Variants in PRMT8 observed in about 807,000 individuals in gnomAD.
PRMT8 encodes the protein protein arginine N-methyltransferase 8.
Under a neutral mutation model 47.1 loss-of-function variants are expected in PRMT8, and 7 were observed. That is an observed-to-expected ratio of 0.15 (90% CI 0.08 to 0.28). The LOEUF (loss-of-function observed/expected upper bound fraction) is 0.28. Ranked by LOEUF, PRMT8 falls within the 10% of genes least tolerant of loss-of-function variation. The pLI is 1.00. For synonymous variants in PRMT8, 188 were observed against 186.5 expected (o/e 1.01, Z -0.07); for missense variants, 237 against 505.4 (o/e 0.47, Z 5.09).
chr12:3,465,166 TA>T (rs1565414412), intron 1 of PRMT8, among the ~76,000 whole-genome samples: 3 of 138,826 alleles, frequency 2.2e-5, no homozygotes, highest in Non-Finnish European at 4.6e-5. Context: ...TATAAAAAAA[TA>T]TATATTTATA....
chr12:3,563,407 C>T (rs560969773), intron 4 of PRMT8, among the ~76,000 whole-genome samples: 27 of 151,974 alleles, frequency 1.8e-4, no homozygotes, highest in African/African-American at 5.1e-4. Context: ...ATTGTGGAAG[C>T]GACCACCCTG....
At chr12:3,382,328 G>A (rs902721828) in intron 1 of PRMT8, among the ~76,000 whole-genome samples, 5 of 152,116 alleles carry the variant, frequency 3.3e-5, no homozygotes, top group Non-Finnish European at 7.4e-5. Flanking sequence ...CAGAGTGGCC[G>A]TACCATTTTA....
At chr12:3,495,964 T>G (rs1865498167) in intron 1 of PRMT8, among the ~76,000 whole-genome samples, 1 of 152,020 alleles carries the variant, frequency 6.6e-6, no homozygotes, top group South Asian at 2.1e-4. Flanking sequence ...TATCGACTCT[T>G]ACTATGGAGT....
intron 1 of PRMT8, among the ~76,000 whole-genome samples, chr12:3,400,913 G>A (rs10744608): frequency 0.45 from 67,855 of 151,938 alleles, 17,717 homozygotes; most frequent in East Asian, 0.85. Context: ...TTGGGAGGCC[G>A]AGGTGGGTAG....
chr12:3,427,532 G>A (rs1362223206), intron 1 of PRMT8, among the ~76,000 whole-genome samples: 1 of 151,356 alleles, frequency 6.6e-6, no homozygotes, highest in Non-Finnish European at 1.5e-5. Context: ...ACATTCTTAT[G>A]CCGTCTTGTA....
chr12:3,446,535 C>G (rs1221046794), intron 1 of PRMT8, among the ~76,000 whole-genome samples: 1 of 152,196 alleles, frequency 6.6e-6, no homozygotes, highest in Non-Finnish European at 1.5e-5. Context: ...GACCCAAGTC[C>G]CTGGTCTGGG....
At chr12:3,424,485 C>G (rs1055352137) in intron 1 of PRMT8, among the ~76,000 whole-genome samples, 5 of 152,158 alleles carry the variant, frequency 3.3e-5, no homozygotes, top group African/African-American at 7.2e-5. Context: ...AGAGCCATAT[C>G]CCCTTCCTAA....
intron 1 of PRMT8, among the ~76,000 whole-genome samples, chr12:3,507,168 C>A (rs1446972864): frequency 6.9e-6 from 1 of 144,232 alleles, no homozygotes; most frequent in East Asian, 2.1e-4. Context: ...TTCACCCAGG[C>A]TGGAGTGCAG....
rs572861087 is a variant in PRMT8, at chr12:3,545,402, G to A, written c.262-4534G>A. 1.4e-4 allele frequency among the ~76,000 whole-genome samples: 21 copies of A among 152,316 alleles called. No individual in the cohort carries two copies. The East Asian group carries it at 4.1e-3, about 29-fold the overall frequency. On this transcript the variant is annotated intron_variant, in intron 2 of 9. Coordinates refer to ENST00000382622, the MANE Select transcript of PRMT8 (RefSeq NM_019854.5). ...TGTCTTTGGTCCGAGATCTCCTAAA[G>A]CGAAAGGCTTCAGCTCACCTTCAAA... is the stretch of plus-strand genomic sequence containing the variant.
intron 1 of PRMT8, among the ~76,000 whole-genome samples, chr12:3,536,013 T>C (rs143356634): frequency 7.9e-5 from 12 of 152,272 alleles, no homozygotes; most frequent in Non-Finnish European, 1.8e-4. Context: ...GAGCCTTCAG[T>C]TGTGGCTGAA....
At chr12:3,568,575 T>TGA in intron 4 of PRMT8, 131 bp from the exon 5 acceptor site, 1 of 977,274 alleles carries the variant, frequency 1.0e-6, no homozygotes, top group Non-Finnish European at 1.5e-6. Flanking sequence ...TGGTAAAGGG[T>TGA]GAGCTACATC....
intron 1 of PRMT8, among the ~76,000 whole-genome samples, chr12:3,533,637 C>T (rs1866070571): frequency 6.6e-6 from 1 of 152,198 alleles, no homozygotes; most frequent in East Asian, 1.9e-4. Flanking sequence ...TACCCTAGCA[C>T]AGTACACCCC....
At position 3,520,757 on chromosome 12, in the gene PRMT8, G is replaced by A. The variant is rs140265127; in HGVS notation, c.76-19849G>A. Among the ~76,000 whole-genome samples the A allele has an allele frequency of 3.0e-3, 461 of 152,264 alleles. 4 individuals carry two copies. Among genetic ancestry groups the A allele is most frequent in the African/African-American group, 0.011 (443 of 41,536 alleles). ...CTGTAAATTATATGCTCTTAGCCAG[G>A]CCCTGAAGCTCCTATAAGGCCACAA... On this transcript the variant is annotated intron_variant, in intron 1 of 9. Transcript: ENST00000382622.
intron 1 of PRMT8, among the ~76,000 whole-genome samples, chr12:3,427,255 T>C (rs1288876078): frequency 1.3e-5 from 2 of 152,194 alleles, no homozygotes; most frequent in South Asian, 4.1e-4. Context: ...TAGACATATT[T>C]ATTTAATTTT....
intron 1 of PRMT8, among the ~76,000 whole-genome samples, chr12:3,496,019 T>G (rs1865498834): frequency 1.3e-5 from 2 of 151,830 alleles, no homozygotes; most frequent in Non-Finnish European, 2.9e-5. Flanking sequence ...AATGCCCAAT[T>G]ATGAACCATG....
chr12:3,451,936 T>TAA (rs1864923126), intron 1 of PRMT8, among the ~76,000 whole-genome samples: 1 of 152,304 alleles, frequency 6.6e-6, no homozygotes, highest in South Asian at 2.1e-4. Context: ...AGAAGATAGA[T>TAA]GCGGCTTCTC....
At position 3,407,084 on chromosome 12, in the gene PRMT8, G is replaced by C. The variant is rs1465684977; in HGVS notation, c.48+25642G>C. 5.3e-5 allele frequency among the ~76,000 whole-genome samples: 8 copies of C among 152,318 alleles called. No homozygotes were observed. The East Asian group carries it at 1.5e-3, about 29-fold the overall frequency. On this transcript the variant is annotated intron_variant, in intron 1 of 9. Transcript: ENST00000452611. ...ACTTACAATCATGACAGAAAGGGAA[G>C]CAAACATGTCCTTCTTAATATGGTG...
At chr12:3,473,504 C>G (rs996109509) in intron 1 of PRMT8, among the ~76,000 whole-genome samples, 5 of 152,124 alleles carry the variant, frequency 3.3e-5, no homozygotes, top group Non-Finnish European at 7.3e-5. Flanking sequence ...GAGTCCTGTG[C>G]TCTCTGCAGT....
intron 1 of PRMT8, among the ~76,000 whole-genome samples, chr12:3,387,330 A>T (rs1055422448): frequency 6.6e-6 from 1 of 152,252 alleles, no homozygotes; most frequent in African/African-American, 2.4e-5. Context: ...TGTCCCCATT[A>T]TAATTACAGC....
Sources: gnomAD v4.1 joint callset for allele counts (sites outside exome capture counted in the v4.1 genomes callset) on GRCh38, gnomAD v4.1.1 for gene constraint, MANE v1.5 for transcripts, NCBI Gene and HGNC (gene_info 2026-07-23, HGNC 2026-07-21) for gene names.